JAM3: variants seen among roughly 807,000 people sequenced by gnomAD.
The protein encoded by JAM3 is junctional adhesion molecule C.
JAM3 carries 31 observed loss-of-function variants against 39.4 expected under a neutral mutation model. That is an observed-to-expected ratio of 0.79 (90% CI 0.59 to 1.06). The LOEUF (loss-of-function observed/expected upper bound fraction) is 1.06. Among genes scored for constraint, JAM3 ranks in the 50% least tolerant of loss-of-function variants. The probability of loss-of-function intolerance (pLI) is 0.00; values close to 1 mark genes in which losing one functional copy is unlikely to be tolerated. For synonymous variants in JAM3, 182 were observed against 148.7 expected (o/e 1.22, Z -1.63); for missense variants, 455 against 391.4 (o/e 1.16, Z -1.37).
chr11:134,128,587 T>C (rs1241210227), intron 1 of JAM3, among the ~76,000 whole-genome samples: 2 of 152,158 alleles, frequency 1.3e-5, no homozygotes, highest in Admixed American at 6.5e-5. Context: ...TGAGATCTGA[T>C]GGTTTAAAAG....
chr11:134,102,775 T>C (rs1220547139), intron 1 of JAM3, among the ~76,000 whole-genome samples: 1 of 152,050 alleles, frequency 6.6e-6, no homozygotes, highest in African/African-American at 2.4e-5. Context: ...TGATTGAAGA[T>C]CAAATGAATG....
intron 1 of JAM3, among the ~76,000 whole-genome samples, chr11:134,081,470 C>T (rs1941664694): frequency 1.3e-5 from 2 of 152,202 alleles, no homozygotes; most frequent in Non-Finnish European, 2.9e-5. Flanking sequence ...CTAGCCATGG[C>T]TGAAAGGGGC....
At chr11:134,103,609 A>C (rs1269872269) in intron 1 of JAM3, among the ~76,000 whole-genome samples, 1 of 152,224 alleles carries the variant, frequency 6.6e-6, no homozygotes, top group East Asian at 1.9e-4. Flanking sequence ...TGCTGTATTC[A>C]GGAGACCCAT....
In JAM3 at chr11:134,151,912, G is replaced by A. The variant is rs1943250091; in HGVS notation, c.*2731G>A. On this transcript the variant is annotated 3_prime_UTR_variant, in exon 9 of 9. Transcript: ENST00000299106. The stretch of plus-strand genomic sequence containing the variant: ...GTCAGCCTGTGTGCTCAAGAGCAGT[G>A]CTGCGCCTCTCCGCCACCGAGCCCA... 1 of 152,298 alleles carries A rather than the reference G, an allele frequency of 6.6e-6. No individual in the cohort carries two copies. The highest frequency in any genetic ancestry group is 2.1e-4 in the South Asian group (1 of 4,828). 9.4% of individuals were successfully genotyped at this position (152,298 alleles called of 1,614,324 possible). A position where few individuals can be genotyped will look rare whatever the true frequency, so the allele number is the denominator to read the frequency against.
chr11:134,102,267 C>T (rs911581250), intron 1 of JAM3, among the ~76,000 whole-genome samples: 1 of 152,116 alleles, frequency 6.6e-6, no homozygotes, highest in East Asian at 1.9e-4. Flanking sequence ...CTGGAGTGGA[C>T]CTCCAGCAAA....
intron 1 of JAM3, among the ~76,000 whole-genome samples, chr11:134,121,195 A>G (rs1222042604): frequency 2.0e-5 from 3 of 152,212 alleles, no homozygotes; most frequent in Non-Finnish European, 4.4e-5. Context: ...ATGGTATTTT[A>G]AACAAGCGAA....
At position 134,081,727 on chromosome 11, in the gene JAM3, A is replaced by G. The variant is rs1941668580; in HGVS notation, c.76+12568A>G. Among the ~76,000 whole-genome samples the G allele has an allele frequency of 2.0e-5, 3 of 152,208 alleles. No homozygotes were observed. The South Asian group carries it at 6.2e-4, about 31-fold the overall frequency. The stretch of plus-strand genomic sequence containing the variant: ...AAATGTGGGGTCAGATCCCCTACAC[A>G]GAGTCCCTACTGGGGTACTGCCTAG... On this transcript the variant is annotated intron_variant, in intron 1 of 8. Coordinates refer to ENST00000299106, the MANE Select transcript of JAM3 (RefSeq NM_032801.5).
chr11:134,145,228 A>T, intron 5 of JAM3: 1 of 580,608 alleles, frequency 1.7e-6, no homozygotes, highest in East Asian at 2.9e-5. Flanking sequence ...CCGAAGAGGG[A>T]TATTAAGCAA....
At chr11:134,131,757 A>C (rs1330579629) in intron 1 of JAM3, among the ~76,000 whole-genome samples, 1 of 152,268 alleles carries the variant, frequency 6.6e-6, no homozygotes, top group Admixed American at 6.5e-5. Flanking sequence ...TAGAAATTAC[A>C]GAAATGAAAC....
At chr11:134,082,322 T>G (rs1315654726) in intron 1 of JAM3, among the ~76,000 whole-genome samples, 1 of 152,118 alleles carries the variant, frequency 6.6e-6, no homozygotes, top group Non-Finnish European at 1.5e-5. Context: ...GAGCTAAACT[T>G]TTGGGGGACT....
chr11:134,128,707 C>T (rs893617338), intron 1 of JAM3, among the ~76,000 whole-genome samples: 7 of 142,562 alleles, frequency 4.9e-5, no homozygotes, highest in Admixed American at 2.8e-4. Flanking sequence ...CCTATGCCTT[C>T]CACCATGATT....
chr11:134,142,964 T>C lies in JAM3; in HGVS notation c.257-1277T>C, dbSNP rs180825272. Among the ~76,000 whole-genome samples the C allele has an allele frequency of 7.9e-5, 12 of 152,388 alleles. No individual in the cohort carries two copies. In the East Asian group the frequency reaches 2.1e-3, roughly 27 times the overall value. The stretch of plus-strand genomic sequence containing the variant: ...TTTTCACGGCTGAATAATGTTCCAT[T>C]GTAGATATACCACATTATTTTACCC... On this transcript the variant is annotated intron_variant, in intron 3 of 8. Transcript: ENST00000299106.
chr11:134,135,291 A>G (rs536566213), intron 1 of JAM3, among the ~76,000 whole-genome samples: 1 of 152,290 alleles, frequency 6.6e-6, no homozygotes, highest in South Asian at 2.1e-4. Context: ...CCATTAAATG[A>G]TGTTGGCATC....
intron 6 of JAM3, among the ~76,000 whole-genome samples, chr11:134,146,590 C>T (rs535461238): frequency 6.6e-6 from 1 of 152,032 alleles, no homozygotes; most frequent in Non-Finnish European, 1.5e-5. Context: ...AAAAACACCA[C>T]AGGGTCTTGC....
chr11:134,128,064 C>A (rs146616858), intron 1 of JAM3, among the ~76,000 whole-genome samples: 1 of 151,164 alleles, frequency 6.6e-6, no homozygotes, highest in East Asian at 1.9e-4. Context: ...GTGTTGCTTA[C>A]AGTTTAAAAA....
intron 1 of JAM3, among the ~76,000 whole-genome samples, chr11:134,129,817 C>G (rs1007823464): frequency 6.6e-6 from 1 of 152,150 alleles, no homozygotes; most frequent in Non-Finnish European, 1.5e-5. Flanking sequence ...GCCTGGGCAA[C>G]ACGGTGAAAC....
intron 1 of JAM3, among the ~76,000 whole-genome samples, chr11:134,088,376 C>T (rs775333765): frequency 6.6e-6 from 1 of 151,138 alleles, no homozygotes; most frequent in South Asian, 2.1e-4. Context: ...TAAATGCTTA[C>T]GAAATGCTTG....
At chr11:134,118,324 G>C (rs868820867) in intron 1 of JAM3, among the ~76,000 whole-genome samples, 2 of 152,084 alleles carry the variant, frequency 1.3e-5, no homozygotes, top group East Asian at 1.9e-4. Flanking sequence ...AAGTAACAGT[G>C]CCAGGCTCAT....
chr11:134,129,992 A>T (rs969257342), intron 1 of JAM3, among the ~76,000 whole-genome samples: 11 of 151,816 alleles, frequency 7.2e-5, no homozygotes, highest in Non-Finnish European at 1.0e-4. Flanking sequence ...ACAGAGTGAG[A>T]TTCTGTCTCC....
Sources: gnomAD v4.1 joint callset for allele counts (sites outside exome capture counted in the v4.1 genomes callset) on GRCh38, gnomAD v4.1.1 for gene constraint, MANE v1.5 for transcripts, NCBI Gene and HGNC (gene_info 2026-07-23, HGNC 2026-07-21) for gene names.